The following TPRG1 variants were observed in gnomAD, a reference collection of about 807,000 sequenced individuals.
The protein encoded by TPRG1 is tumor protein p63-regulated gene 1 protein.
TPRG1 carries 29 observed loss-of-function variants against 29.3 expected under a neutral mutation model. The ratio of observed to expected loss-of-function variants is 0.99; its 90% confidence interval spans 0.74 to 1.35. The LOEUF is 1.35. Among genes scored for constraint, TPRG1 ranks in the 40% most tolerant of loss-of-function variants. TPRG1 has a pLI of 0.00. For synonymous variants in TPRG1, 130 were observed against 116.8 expected (o/e 1.11, Z -0.73); for missense variants, 327 against 335.0 (o/e 0.98, Z 0.19).
intron 3 of TPRG1, among the ~76,000 whole-genome samples, chr3:189,139,327 T>C (rs116092273): frequency 0.016 from 2,435 of 152,260 alleles, 55 homozygotes; most frequent in African/African-American, 0.053. Flanking sequence ...CTGACCACAC[T>C]TTGGGGAGCT....
chr3:189,241,361 A>G (rs1315729491), intron 4 of TPRG1, among the ~76,000 whole-genome samples: 1 of 152,066 alleles, frequency 6.6e-6, no homozygotes, highest in East Asian at 1.9e-4. Context: ...ATGTGTTTTT[A>G]TCCTTGGGTT....
At chr3:189,006,538 A>T (rs1712295834) in intron 3 of TPRG1, among the ~76,000 whole-genome samples, 1 of 152,114 alleles carries the variant, frequency 6.6e-6, no homozygotes, top group African/African-American at 2.4e-5. Context: ...TCTGGCAGGC[A>T]GATACACTCT....
At chr3:189,299,422 G>A (rs1720482999) in intron 4 of TPRG1, among the ~76,000 whole-genome samples, 1 of 151,956 alleles carries the variant, frequency 6.6e-6, no homozygotes, top group Non-Finnish European at 1.5e-5. Context: ...TTTCTATCCT[G>A]GGCATTTCTC....
chr3:189,025,338 G>A (rs1169408617), intron 4 of TPRG1, among the ~76,000 whole-genome samples: 2 of 152,060 alleles, frequency 1.3e-5, no homozygotes, highest in Non-Finnish European at 2.9e-5. Context: ...GGTTCCCTTG[G>A]CTCCGTGTTG....
intron 4 of TPRG1, among the ~76,000 whole-genome samples, chr3:189,054,335 A>C (rs1715519082): frequency 6.6e-6 from 1 of 151,980 alleles, no homozygotes; most frequent in South Asian, 2.1e-4. Context: ...ACCCCAAAAC[A>C]ATTACAATAT....
At chr3:189,286,461 C>G (rs1180606222) in intron 4 of TPRG1, among the ~76,000 whole-genome samples, 1 of 152,080 alleles carries the variant, frequency 6.6e-6, no homozygotes, top group Non-Finnish European at 1.5e-5. Context: ...AGGAGCTCAA[C>G]AAATAGTTGT....
At position 189,292,441 on chromosome 3, in the gene TPRG1, C is replaced by A. The variant is rs532412339; in HGVS notation, c.480-17945C>A. Among the ~76,000 whole-genome samples, 51 of 152,036 alleles carry A rather than the reference C, an allele frequency of 3.4e-4. 1 individual carries two copies. The highest frequency in any genetic ancestry group is 8.5e-4 in the Admixed American group (13 of 15,268). On this transcript the variant is annotated intron_variant, in intron 4 of 5. Coordinates refer to ENST00000345063, the MANE Select transcript of TPRG1 (RefSeq NM_198485.4). Reference sequence around the variant, plus strand: ...TGTTTTCCACATACTATTTTGGTGACCTTGAACAACTGCTTTGTCTCTCTG... The same window carrying A: ...TGTTTTCCACATACTATTTTGGTGAACTTGAACAACTGCTTTGTCTCTCTG...
chr3:189,310,535 G>C lies in TPRG1; in HGVS notation c.629G>C (p.Cys210Ser), dbSNP rs753225197. ...KYTSEKFLEI[C>S]KLSGFMSKLV... ...ACCAGTGAGAAATTCCTTGAAATTT[G>C]CAAGGTAGGAGGCATCTTGGGTATT... The change falls in exon 5 of 6, where the codon TGC becomes TCC. Residue 210 changes from cysteine (C) to serine (S), a missense_variant. Transcript: ENST00000345063. 4 of 1,608,806 alleles carry C rather than the reference G, an allele frequency of 2.5e-6. No homozygotes were observed. The South Asian group carries it at 4.4e-5, about 18-fold the overall frequency.
At chr3:189,017,904 T>G (rs1468806070) in intron 3 of TPRG1, among the ~76,000 whole-genome samples, 1 of 151,500 alleles carries the variant, frequency 6.6e-6, no homozygotes, top group East Asian at 1.9e-4. Context: ...GTTTCCTGAC[T>G]TTTTAATGAT....
intron 1 of TPRG1, among the ~76,000 whole-genome samples, chr3:189,117,375 C>T (rs1040631031): frequency 7.9e-5 from 12 of 152,202 alleles, no homozygotes; most frequent in African/African-American, 2.9e-4. Flanking sequence ...TTAAAATTCT[C>T]ATTGTAGGGA....
intron 4 of TPRG1, among the ~76,000 whole-genome samples, chr3:189,260,683 T>G (rs549180121): frequency 1.3e-5 from 2 of 152,304 alleles, no homozygotes; most frequent in South Asian, 4.1e-4. Context: ...TTCTGCAACA[T>G]AGAAGGGATA....
At chr3:189,193,132 A>ATT (rs555964454) in intron 1 of TPRG1, among the ~76,000 whole-genome samples, 9,721 of 89,972 alleles carry the variant, frequency 0.11, 798 homozygotes, top group African/African-American at 0.16. Flanking sequence ...TTGACTTTTA[A>ATT]TTTTTTTTTT....
chr3:189,219,423 C>A, intron 3 of TPRG1: 1 of 271,172 alleles, frequency 3.7e-6, no homozygotes, highest in Non-Finnish European at 6.6e-6. Context: ...GGCCTCCAGG[C>A]GAGCTCATCC....
At chr3:189,130,778 A>G (rs1196090810) in intron 2 of TPRG1, among the ~76,000 whole-genome samples, 1 of 152,202 alleles carries the variant, frequency 6.6e-6, no homozygotes, top group Non-Finnish European at 1.5e-5. Flanking sequence ...AAAAAATCCA[A>G]CAGTAGAGCT....
chr3:189,042,702 A>G (rs1369955850), intron 4 of TPRG1, among the ~76,000 whole-genome samples: 2 of 152,052 alleles, frequency 1.3e-5, no homozygotes, highest in African/African-American at 2.4e-5. Flanking sequence ...AATGAACTCA[A>G]TCATGCTTGA....
At chr3:189,068,534 T>C (rs1414162042) in intron 4 of TPRG1, among the ~76,000 whole-genome samples, 1 of 152,202 alleles carries the variant, frequency 6.6e-6, no homozygotes, top group Non-Finnish European at 1.5e-5. Flanking sequence ...CCCAGCACTT[T>C]GGGAGGCCAA....
At chr3:189,311,314 A>G (rs1722444555) in intron 5 of TPRG1, among the ~76,000 whole-genome samples, 1 of 152,128 alleles carries the variant, frequency 6.6e-6, no homozygotes, top group Admixed American at 6.6e-5. Context: ...CGTCCTTTTT[A>G]TGTTTACTTT....
intron 4 of TPRG1, among the ~76,000 whole-genome samples, chr3:189,035,691 C>A (rs945834055): frequency 2.6e-4 from 39 of 152,088 alleles, no homozygotes; most frequent in Non-Finnish European, 5.2e-4. Context: ...CATCACTATT[C>A]ATTAGAGTGA....
rs1164581985 is a variant in TPRG1 at position 189,323,012 on chromosome 3, G to C, written c.*2192G>C. ...AATTGATAAATGGGATCTAGAAAGCGGTATTATGACCAGAGGGTGAGAAGA... is the reference window on the plus strand; with the variant it reads ...AATTGATAAATGGGATCTAGAAAGCCGTATTATGACCAGAGGGTGAGAAGA... On this transcript the variant is annotated 3_prime_UTR_variant, in exon 6 of 6. Coordinates refer to ENST00000345063, the MANE Select transcript of TPRG1 (RefSeq NM_198485.4). 1 of 152,004 alleles carries C rather than the reference G, an allele frequency of 6.6e-6. No individual in the cohort carries two copies. The highest frequency in any genetic ancestry group is 2.4e-5 in the African/African-American group (1 of 41,382). 9.4% of individuals were successfully genotyped at this position (152,004 alleles called of 1,614,324 possible). A position where few individuals can be genotyped will look rare whatever the true frequency, so the allele number is the denominator to read the frequency against.
Sources: allele counts gnomAD v4.1 joint callset (sites outside exome capture counted in the v4.1 genomes callset), GRCh38; gene constraint gnomAD v4.1.1; transcripts MANE v1.5; gene names NCBI Gene and HGNC (gene_info 2026-07-23, HGNC 2026-07-21).